CDH2: variants seen among roughly 807,000 people sequenced by gnomAD.
CDH2 encodes the protein cadherin 2, also known as cadherin-2.
A neutral mutation model predicts 92.0 loss-of-function variants in CDH2; 17 were observed. The ratio of observed to expected loss-of-function variants is 0.18; its 90% CI spans 0.13 to 0.28. CDH2 has a LOEUF of 0.28. Among genes scored for constraint, CDH2 ranks in the 10% least tolerant of loss-of-function variants. The pLI is 1.00. For synonymous variants in CDH2, 419 were observed against 415.9 expected, an observed-to-expected ratio of 1.01 and a Z score of -0.09; for missense variants, 862 against 1,133.1, an observed-to-expected ratio of 0.76 and a Z score of 3.44.
chr18:27,953,991 A>C (rs746167530), intron 15 of CDH2, among the ~76,000 whole-genome samples: 1 of 152,200 alleles, frequency 6.6e-6, no homozygotes, highest in Non-Finnish European at 1.5e-5. Context: ...AATCAGAGAA[A>C]AAAGTACACA....
chr18:28,075,973 TATC>T (rs2014711261), intron 2 of CDH2, among the ~76,000 whole-genome samples: 1 of 152,180 alleles, frequency 6.6e-6, no homozygotes, highest in Non-Finnish European at 1.5e-5. Flanking sequence ...CAATTCCAAA[TATC>T]ATTTCATCAT....
intron 2 of CDH2, among the ~76,000 whole-genome samples, chr18:28,090,463 A>C (rs754984247): frequency 6.6e-6 from 1 of 152,144 alleles, no homozygotes; most frequent in Non-Finnish European, 1.5e-5. Flanking sequence ...CTATCTTCCA[A>C]GGTCATACCA....
At chr18:28,013,934 GT>G in intron 2 of CDH2, 25 bp from the exon 3 acceptor site, 1 of 1,559,008 alleles carries the variant, frequency 6.4e-7, no homozygotes, top group Non-Finnish European at 8.8e-7. Context: ...AAATAGGTCA[GT>G]TATTATAATT....
At chr18:28,095,080 G>T (rs1340590817) in intron 2 of CDH2, among the ~76,000 whole-genome samples, 1 of 152,098 alleles carries the variant, frequency 6.6e-6, no homozygotes, top group East Asian at 1.9e-4. Flanking sequence ...TCTAAAATCA[G>T]TTTTCACACT....
At chr18:28,135,721 G>C (rs540102758) in intron 2 of CDH2, among the ~76,000 whole-genome samples, 13 of 152,256 alleles carry the variant, frequency 8.5e-5, no homozygotes, top group African/African-American at 3.1e-4. Flanking sequence ...ATATGCATAA[G>C]GTGAAAATCT....
Position 27,963,446 on chromosome 18 carries a change from T to C in CDH2, c.2425A>G (p.Met809Val), listed in dbSNP as rs2011462076. 3 of 1,614,028 alleles carry C rather than the reference T, an allele frequency of 1.9e-6. No individual in the cohort carries two copies. The highest frequency in any genetic ancestry group is 2.2e-5 in the East Asian group (1 of 44,866). The part of the protein sequence containing the change: ...DAIKPVGIRR[M>V]DERPIHAEPQ... The stretch of plus-strand genomic sequence containing the variant: ...TCGGCGTGGATGGGTCTTTCATCCA[T>C]TCGTCGGATTCCCACAGGCTTGATG... The change falls in exon 15 of 16, where the codon ATG becomes GTG. Residue 809 changes from methionine (M) to valine (V), a missense_variant. Transcript: ENST00000269141.
At chr18:28,166,172 A>ATATATATATATATATATATATG (rs1568024455) in intron 1 of CDH2, among the ~76,000 whole-genome samples, 20 of 136,936 alleles carry the variant, frequency 1.5e-4, no homozygotes, top group African/African-American at 5.0e-4. Context: ...ATATATATAT[A>ATATATATATATATATATATATG]TGTCTGTATT....
chr18:28,142,183 C>A (rs2015964370), intron 2 of CDH2, among the ~76,000 whole-genome samples: 1 of 151,858 alleles, frequency 6.6e-6, no homozygotes, highest in Non-Finnish European at 1.5e-5. Context: ...GGTTTTAAAC[C>A]ATTTGGGTGT....
chr18:28,146,760 T>C (rs1426525244), intron 2 of CDH2: 4 of 152,108 alleles, frequency 2.6e-5, no homozygotes, highest in African/African-American at 9.7e-5. Flanking sequence ...TAGAGCTCTG[T>C]GTAAATTAAT....
chr18:27,998,086 G>A (rs1175013976), intron 7 of CDH2, among the ~76,000 whole-genome samples: 1 of 152,284 alleles, frequency 6.6e-6, no homozygotes, highest in East Asian at 1.9e-4. Flanking sequence ...GATTACAGGT[G>A]TGAGCCACCA....
At chr18:28,155,807 C>T (rs1385481328) in intron 1 of CDH2, among the ~76,000 whole-genome samples, 2 of 152,242 alleles carry the variant, frequency 1.3e-5, no homozygotes, top group Non-Finnish European at 2.9e-5. Context: ...GCCAGATTCT[C>T]GACATCTCAC....
At chr18:28,019,334 A>AAAGG (rs1452048380) in intron 2 of CDH2, among the ~76,000 whole-genome samples, 2 of 151,930 alleles carry the variant, frequency 1.3e-5, no homozygotes, top group East Asian at 1.9e-4. Flanking sequence ...AAGAAAGAAG[A>AAAGG]AAGGAAGGAA....
chr18:28,078,936 C>CCA (rs1388553695), intron 2 of CDH2, among the ~76,000 whole-genome samples: 1 of 152,114 alleles, frequency 6.6e-6, no homozygotes, highest in Non-Finnish European at 1.5e-5. Context: ...CCTCATTCCT[C>CCA]CACACACTAA....
intron 1 of CDH2, among the ~76,000 whole-genome samples, chr18:28,154,514 G>A (rs2016177733): frequency 6.6e-6 from 1 of 152,222 alleles, no homozygotes; most frequent in Admixed American, 6.5e-5. Context: ...AAGTGTAATA[G>A]GAGTTGAGGA....
intron 1 of CDH2, among the ~76,000 whole-genome samples, chr18:28,174,573 T>C (rs2016509821): frequency 1.3e-5 from 2 of 152,208 alleles, no homozygotes; most frequent in South Asian, 2.1e-4. Context: ...TCAACATTGG[T>C]ATAGAAGAAA....
Position 27,968,283 on chromosome 18 carries a change from G to A in CDH2, c.2350-4762C>T, listed in dbSNP as rs147405885. ...CAAGGTCACAGACTCACTTAAGCAC[G>A]TCAAAAGATAACACAGAGCCCACCA... On this transcript the variant is annotated intron_variant, in intron 14 of 15. Coordinates refer to ENST00000269141, the MANE Select transcript of CDH2 (RefSeq NM_001792.5). 2.4e-3 allele frequency among the ~76,000 whole-genome samples: 362 copies of A among 152,296 alleles called. 1 individual carries two copies. The highest frequency in any genetic ancestry group is 8.3e-3 in the African/African-American group (347 of 41,572).
At chr18:28,098,759 G>A (rs995300230) in intron 2 of CDH2, among the ~76,000 whole-genome samples, 1 of 152,108 alleles carries the variant, frequency 6.6e-6, no homozygotes, top group African/African-American at 2.4e-5. Flanking sequence ...TCTGAGGACT[G>A]AAATAGTAAG....
intron 14 of CDH2, among the ~76,000 whole-genome samples, chr18:27,973,742 AG>A (rs1195166506): frequency 6.6e-6 from 1 of 152,178 alleles, no homozygotes; most frequent in African/African-American, 2.4e-5. Context: ...GTTATTTCCC[AG>A]GGAATTAGGA....
At chr18:28,164,077 T>C (rs1284716547) in intron 1 of CDH2, among the ~76,000 whole-genome samples, 2 of 152,200 alleles carry the variant, frequency 1.3e-5, no homozygotes, top group Non-Finnish European at 2.9e-5. Flanking sequence ...CTCCTCTATA[T>C]CGTATCCTCA....
Sources: allele counts gnomAD v4.1 joint callset (sites outside exome capture counted in the v4.1 genomes callset), GRCh38; gene constraint gnomAD v4.1.1; transcripts MANE v1.5; gene names NCBI Gene and HGNC (gene_info 2026-07-23, HGNC 2026-07-21).